Variants in SYBU observed in about 807,000 individuals in gnomAD.
The protein encoded by SYBU is GOLSYN A protein.
In SYBU, 21 loss-of-function variants were observed where a neutral mutation model predicts 35.9. The ratio of observed to expected loss-of-function variants is 0.58; its 90% CI spans 0.41 to 0.84. SYBU has a LOEUF of 0.84. SYBU is among the 40% of genes least tolerant of loss of function. The pLI, the probability that SYBU is intolerant of heterozygous loss-of-function variation, is 0.00. For missense variants in SYBU, 768 were observed against 848.2 expected (o/e 0.91, Z 1.17); for synonymous variants, 319 against 324.3 (o/e 0.98, Z 0.18).
chr8:109,609,067 G>A (rs1810892228), intron 3 of SYBU, among the ~76,000 whole-genome samples: 1 of 152,208 alleles, frequency 6.6e-6, no homozygotes, highest in Admixed American at 6.5e-5. Flanking sequence ...CCCCCGACCC[G>A]TGCTGCTCTG....
At chr8:109,681,583 G>A (rs1817397377), upstream of SYBU, among the ~76,000 whole-genome samples, 1 of 152,140 alleles carries the variant, frequency 6.6e-6, no homozygotes, top group Admixed American at 6.5e-5. Context: ...TAAAAATGAT[G>A]AAGTTTCTTT....
upstream of SYBU, among the ~76,000 whole-genome samples, chr8:109,684,875 T>TG (rs778459020): frequency 1.8e-4 from 28 of 152,194 alleles, no homozygotes; most frequent in Non-Finnish European, 4.0e-4. Flanking sequence ...TTGCCTGCTA[T>TG]GAAGAGGGAG....
intron 1 of SYBU, chr8:109,644,094 A>G (rs927122461): frequency 6.6e-6 from 3 of 456,816 alleles, no homozygotes; most frequent in East Asian, 1.4e-4. Context: ...GGAGGCCGGC[A>G]CATGGCATAA....
chr8:109,609,829 T>C (rs1180068281), intron 3 of SYBU, among the ~76,000 whole-genome samples: 1 of 152,166 alleles, frequency 6.6e-6, no homozygotes, highest in African/African-American at 2.4e-5. Flanking sequence ...TCTTATATAT[T>C]TACTGTCTCC....
chr8:109,582,673 CCAT>C (rs1314592239), intron 4 of SYBU, among the ~76,000 whole-genome samples: 6 of 152,242 alleles, frequency 3.9e-5, no homozygotes, highest in African/African-American at 1.4e-4. Context: ...ATCATCATCA[CCAT>C]CATCACCATG....
chr8:109,625,357 T>G (rs1812874525), intron 2 of SYBU, among the ~76,000 whole-genome samples: 1 of 152,214 alleles, frequency 6.6e-6, no homozygotes, highest in Non-Finnish European at 1.5e-5. Flanking sequence ...AGTATTTTAT[T>G]TGATTTCTTG....
intron 1 of SYBU, among the ~76,000 whole-genome samples, chr8:109,668,714 T>C (rs917916840): frequency 1.3e-5 from 2 of 152,188 alleles, no homozygotes; most frequent in Non-Finnish European, 2.9e-5. Flanking sequence ...ATAAACACAT[T>C]TCAGAGCATC....
Position 109,586,418 on chromosome 8 carries a change from A to G in SYBU, c.428-256T>C, listed in dbSNP as rs1174300496. On this transcript the variant is annotated intron_variant, in intron 3 of 6. Coordinates refer to ENST00000276646, the MANE Select transcript of SYBU (RefSeq NM_001099754.2). ...TAAAGAGGCCAGTCTTCCTGCAGAC[A>G]CTGTCAACAGTGACCCAAGTGCATC... 5.1e-5 allele frequency: 24 copies of G among 467,882 alleles called. No homozygotes were observed. In the East Asian group the frequency reaches 8.9e-4, roughly 17 times the overall value. 29.0% of individuals were successfully genotyped at this position (467,882 alleles called of 1,614,324 possible). A position where few individuals can be genotyped will look rare whatever the true frequency, so the allele number is the denominator to read the frequency against.
At chr8:109,647,819 T>G (rs557759831), upstream of SYBU, 1 of 152,250 alleles carries the variant, frequency 6.6e-6, no homozygotes, top group Non-Finnish European at 1.5e-5. Flanking sequence ...GGCTGTGCAG[T>G]AGCCTTGCTG....
chr8:109,625,648 C>T (rs1043582828), intron 2 of SYBU, among the ~76,000 whole-genome samples: 13 of 152,210 alleles, frequency 8.5e-5, no homozygotes, highest in Middle Eastern at 3.4e-3. Flanking sequence ...TCTCAAACTC[C>T]TGAACTTAAG....
intron 1 of SYBU, among the ~76,000 whole-genome samples, chr8:109,687,664 A>G (rs946049776): frequency 6.6e-6 from 1 of 152,198 alleles, no homozygotes; most frequent in Non-Finnish European, 1.5e-5. Flanking sequence ...CTGGGCTTCT[A>G]AGAATTACTT....
intron 2 of SYBU, among the ~76,000 whole-genome samples, chr8:109,634,872 TG>T (rs1340054398): frequency 2.0e-5 from 3 of 152,260 alleles, no homozygotes; most frequent in African/African-American, 4.8e-5. Flanking sequence ...GTATCTTTTT[TG>T]GTCTACCTCA....
chr8:109,619,189 T>C (rs949650928), intron 2 of SYBU, 150 bp from the exon 3 acceptor site: 1 of 615,982 alleles, frequency 1.6e-6, no homozygotes, highest in Non-Finnish European at 2.8e-6. Flanking sequence ...GACTCTCCTC[T>C]CATGACGCTC....
At chr8:109,646,381 C>G (rs878925083), upstream of SYBU, 1 of 152,246 alleles carries the variant, frequency 6.6e-6, no homozygotes, top group East Asian at 1.9e-4. Flanking sequence ...CTAGAGAGAG[C>G]CTGAAGCCAG....
chr8:109,687,871 C>A (rs1817555983), intron 1 of SYBU, among the ~76,000 whole-genome samples: 1 of 151,998 alleles, frequency 6.6e-6, no homozygotes, highest in Non-Finnish European at 1.5e-5. Context: ...ATGGATCTTC[C>A]CAATAATTAA....
At chr8:109,634,853 C>T (rs1255337081) in intron 2 of SYBU, among the ~76,000 whole-genome samples, 1 of 152,146 alleles carries the variant, frequency 6.6e-6, no homozygotes, top group African/African-American at 2.4e-5. Context: ...TTCTTTTCTT[C>T]TAATTTATGT....
rs575969903 is a variant in SYBU, at chr8:109,613,394, A to G, written c.427+5448T>C. 3.5e-4 allele frequency among the ~76,000 whole-genome samples: 54 copies of G among 152,302 alleles called. No homozygotes were observed. The South Asian group carries it at 9.7e-3, about 27-fold the overall frequency. On this transcript the variant is annotated intron_variant, in intron 3 of 6. Coordinates refer to ENST00000276646, the MANE Select transcript of SYBU (RefSeq NM_001099754.2). Reference sequence around the variant, plus strand: ...TAATTTCACCTATTTCATATTTTCCATAACCTATTTTACAGATGCAGAACA... The same window carrying G: ...TAATTTCACCTATTTCATATTTTCCGTAACCTATTTTACAGATGCAGAACA...
At chr8:109,603,099 G>A (rs1228521531) in intron 3 of SYBU, among the ~76,000 whole-genome samples, 1 of 152,224 alleles carries the variant, frequency 6.6e-6, no homozygotes, top group Non-Finnish European at 1.5e-5. Flanking sequence ...CCCCAGGAGG[G>A]GACATGCACT....
intron 3 of SYBU, among the ~76,000 whole-genome samples, chr8:109,616,678 G>A (rs1811828137): frequency 1.3e-5 from 2 of 150,700 alleles, no homozygotes; most frequent in Non-Finnish European, 2.9e-5. Context: ...CCCTACAATA[G>A]CTTCATGATG....
Sources: allele counts gnomAD v4.1 joint callset (sites outside exome capture counted in the v4.1 genomes callset), GRCh38; gene constraint gnomAD v4.1.1; transcripts MANE v1.5; gene names NCBI Gene and HGNC (gene_info 2026-07-23, HGNC 2026-07-21).